The following MERTK variants were observed in gnomAD, a reference collection of about 807,000 sequenced individuals.
The protein encoded by MERTK is tyrosine-protein kinase Mer.
A neutral mutation model predicts 99.3 loss-of-function variants in MERTK; 69 were observed. The ratio of observed to expected loss-of-function variants is 0.70; its 90% CI spans 0.57 to 0.85. MERTK has a LOEUF of 0.85. Ranked by LOEUF, MERTK falls within the 40% of genes least tolerant of loss-of-function variation. The pLI is 0.00. For missense variants in MERTK, 1,125 were observed against 1,249.4 expected, an observed-to-expected ratio of 0.90 and a Z score of 1.50; for synonymous variants, 426 against 467.6, an observed-to-expected ratio of 0.91 and a Z score of 1.15.
chr2:111,915,424 TCTTTCC>T (rs1276785853), intron 1 of MERTK, among the ~76,000 whole-genome samples: 2 of 152,086 alleles, frequency 1.3e-5, no homozygotes, highest in African/African-American at 4.8e-5. Flanking sequence ...TTTATTTTGC[TCTTTCC>T]CTGTGTTCTA....
chr2:111,949,380 A>G (rs1463898238), intron 4 of MERTK, among the ~76,000 whole-genome samples: 3 of 152,162 alleles, frequency 2.0e-5, no homozygotes, highest in African/African-American at 7.2e-5. Flanking sequence ...AGGATGGATC[A>G]GTAAGTGAAT....
At chr2:111,981,502 TC>T (rs1488310637) in intron 7 of MERTK, among the ~76,000 whole-genome samples, 1 of 152,098 alleles carries the variant, frequency 6.6e-6, no homozygotes, top group African/African-American at 2.4e-5. Context: ...GCAACCTCCA[TC>T]TCCCAGATTA....
chr2:111,962,611 A>G (rs566479488), intron 4 of MERTK, among the ~76,000 whole-genome samples: 1 of 152,306 alleles, frequency 6.6e-6, no homozygotes, highest in South Asian at 2.1e-4. Flanking sequence ...TATCGTTAGC[A>G]TTTTACATTG....
intron 1 of MERTK, among the ~76,000 whole-genome samples, chr2:111,926,635 GAAAATCAC>G (rs1676078929): frequency 6.6e-6 from 1 of 152,202 alleles, no homozygotes; most frequent in Non-Finnish European, 1.5e-5. Context: ...GCTGAGGCAG[GAAAATCAC>G]TTGAACCTGG....
intron 1 of MERTK, among the ~76,000 whole-genome samples, chr2:111,904,057 C>A (rs966184822): frequency 6.6e-6 from 1 of 152,116 alleles, no homozygotes; most frequent in Non-Finnish European, 1.5e-5. Flanking sequence ...TTTGCTGCAG[C>A]TCTTTAGGTT....
At chr2:111,980,038 T>C (rs764317574) in intron 7 of MERTK, among the ~76,000 whole-genome samples, 10 of 152,320 alleles carry the variant, frequency 6.6e-5, no homozygotes, top group East Asian at 5.8e-4. Context: ...CTATAGGTGA[T>C]TGGACAGTGA....
chr2:111,987,383 C>G (rs1464032639), intron 8 of MERTK, among the ~76,000 whole-genome samples: 1 of 152,092 alleles, frequency 6.6e-6, no homozygotes, highest in East Asian at 1.9e-4. Flanking sequence ...TTCTATTTTT[C>G]TTGCGATTCC....
intron 15 of MERTK, among the ~76,000 whole-genome samples, chr2:112,017,622 G>GA: frequency 7.9e-6 from 1 of 126,126 alleles, no homozygotes; most frequent in South Asian, 2.8e-4. Context: ...GACAGAGCAC[G>GA]ACTTCGTCTC....
intron 8 of MERTK, among the ~76,000 whole-genome samples, chr2:111,992,246 C>CAA (rs975232316): frequency 2.6e-5 from 4 of 151,926 alleles, no homozygotes; most frequent in Non-Finnish European, 5.9e-5. Context: ...CTTTTTTGTC[C>CAA]AATCACAGTT....
rs774597946 is a variant in MERTK, at chr2:112,021,237, C to G, written c.2190-185C>G. ...AAAAAAATTGCATCACTTGCTCTTGCTCTTGCTCTGCTGTTGGTCCTCACT... is the reference window on the plus strand; with the variant it reads ...AAAAAAATTGCATCACTTGCTCTTGGTCTTGCTCTGCTGTTGGTCCTCACT... On this transcript the variant is annotated intron_variant, in intron 16 of 18. Transcript: ENST00000295408. The G allele has an allele frequency of 1.8e-5, 5 of 282,620 alleles. No homozygotes were observed. In the Admixed American group the frequency reaches 3.2e-4, roughly 18 times the overall value. The allele number at this position is 282,620 out of a possible 1,614,324, so 17.5% of individuals were successfully genotyped here.
At chr2:111,949,192 C>G (rs1348518708) in intron 4 of MERTK, among the ~76,000 whole-genome samples, 1 of 152,028 alleles carries the variant, frequency 6.6e-6, no homozygotes, top group Non-Finnish European at 1.5e-5. Flanking sequence ...GTGTACTCCT[C>G]CATTGCACTT....
chr2:111,959,417 G>T (rs62162471), intron 4 of MERTK, among the ~76,000 whole-genome samples: 3,501 of 152,216 alleles, frequency 0.023, 66 homozygotes, highest in Non-Finnish European at 0.036. Context: ...CCACTATGAA[G>T]CATCAGTTCT....
intron 15 of MERTK, among the ~76,000 whole-genome samples, chr2:112,017,545 G>A (rs954355308): frequency 5.9e-5 from 9 of 151,910 alleles, no homozygotes; most frequent in African/African-American, 1.7e-4. Flanking sequence ...CAGGAGAATC[G>A]CTTGAACCTG....
Position 112,021,451 on chromosome 2 carries a change from C to T in MERTK, c.2219C>T (p.Ala740Val), listed in dbSNP as rs911057284. 2 of 1,613,642 alleles carry T rather than the reference C, an allele frequency of 1.2e-6. No individual in the cohort carries two copies. Among genetic ancestry groups the T allele is most frequent in the Admixed American group, 1.7e-5 (1 of 60,010 alleles). Reference protein sequence around the residue: ...MLRDDMTVCVADFGLSKKIYS... With the variant: ...MLRDDMTVCVVDFGLSKKIYS... Reference sequence around the variant, plus strand: ...CGAGATGACATGACTGTCTGTGTTGCGGACTTCGGCCTCTCTAAGAAGATT... The same window carrying T: ...CGAGATGACATGACTGTCTGTGTTGTGGACTTCGGCCTCTCTAAGAAGATT... Residue 740 changes from alanine to valine, a missense_variant, in exon 17 of 19, where the codon GCG (alanine) becomes GTG (valine). Coordinates refer to ENST00000295408, the MANE Select transcript of MERTK (RefSeq NM_006343.3).
rs187380846 is a variant in MERTK, at chr2:112,000,006, C to T, written c.1605-1195C>T. Among the ~76,000 whole-genome samples the T allele has an allele frequency of 3.3e-5, 5 of 152,086 alleles. No individual in the cohort carries two copies. The East Asian group carries it at 9.7e-4, about 29-fold the overall frequency. ...GGGTGTATCATACAAAGTACATTCG[C>T]AAGGGTGGGGGAATACCACAAAGTA... On this transcript the variant is annotated intron_variant, in intron 10 of 18. Transcript: ENST00000295408.
At chr2:111,919,555 T>G (rs568097076) in intron 1 of MERTK, among the ~76,000 whole-genome samples, 79 of 152,002 alleles carry the variant, frequency 5.2e-4, no homozygotes, top group African/African-American at 1.9e-3. Flanking sequence ...CTGGTTGCAT[T>G]GGTGCCCCCC....
At chr2:111,993,137 TGTG>T (rs34102321) in intron 8 of MERTK, among the ~76,000 whole-genome samples, 92,034 of 150,422 alleles carry the variant, frequency 0.61, 28,270 homozygotes, top group Middle Eastern at 0.69. Context: ...TGTTGACTAT[TGTG>T]GTGTGGGAGC....
intron 16 of MERTK, 92 bp downstream of exon 16, chr2:112,019,614 G>A: frequency 1.0e-6 from 1 of 962,628 alleles, no homozygotes; most frequent in Non-Finnish European, 1.7e-6. Context: ...GTTTAGATAG[G>A]CAAGGAAGCT....
intron 7 of MERTK, among the ~76,000 whole-genome samples, chr2:111,980,529 C>T (rs1044628142): frequency 1.3e-5 from 2 of 151,634 alleles, no homozygotes; most frequent in African/African-American, 4.9e-5. Context: ...TGCCATTCTC[C>T]TGCCTCAGCC....
Sources: allele counts gnomAD v4.1 joint callset (sites outside exome capture counted in the v4.1 genomes callset), GRCh38; gene constraint gnomAD v4.1.1; transcripts MANE v1.5; gene names NCBI Gene and HGNC (gene_info 2026-07-23, HGNC 2026-07-21).